Variants in STK3 observed in about 807,000 individuals in gnomAD.
STK3 encodes serine/threonine-protein kinase 3.
Under a neutral mutation model 58.0 loss-of-function variants are expected in STK3, and 41 were observed. The ratio of observed to expected loss-of-function variants is 0.71; its 90% CI spans 0.55 to 0.92. The LOEUF (loss-of-function observed/expected upper bound fraction) is 0.92. STK3 is among the 40% of genes least tolerant of loss of function. The probability of loss-of-function intolerance (pLI) is 0.00; values close to 1 mark genes in which losing one functional copy is unlikely to be tolerated. For synonymous variants in STK3, 170 were observed against 191.0 expected (o/e 0.89, Z 0.91); for missense variants, 479 against 602.7 (o/e 0.79, Z 2.15).
At chr8:98,427,764 A>T in intron 3 of STK3, 1 of 524,274 alleles carries the variant, frequency 1.9e-6, no homozygotes. Context: ...ATAGAAACAT[A>T]CCCACCCCCA....
chr8:98,869,214 A>C (rs1368329242), intron 3 of STK3, among the ~76,000 whole-genome samples: 1 of 152,166 alleles, frequency 6.6e-6, no homozygotes, highest in Non-Finnish European at 1.5e-5. Context: ...CGAGCCCAGG[A>C]GTTCGAGGCC....
intron 6 of STK3, among the ~76,000 whole-genome samples, chr8:98,614,931 A>G (rs1032215872): frequency 2.0e-5 from 3 of 152,240 alleles, no homozygotes; most frequent in Non-Finnish European, 2.9e-5. Context: ...CAAAGCAGCC[A>G]GGAAGCTCCA....
chr8:98,567,909 T>C (rs1309134845), intron 8 of STK3, among the ~76,000 whole-genome samples: 1 of 151,866 alleles, frequency 6.6e-6, no homozygotes, highest in Non-Finnish European at 1.5e-5. Context: ...AGTACAAAAA[T>C]TACCCAGGCA....
intron 10 of STK3, among the ~76,000 whole-genome samples, chr8:98,466,018 G>T (rs937047036): frequency 3.3e-5 from 5 of 152,124 alleles, no homozygotes; most frequent in African/African-American, 4.8e-5. Flanking sequence ...TAACTCAAAA[G>T]CAACCAGTAA....
At chr8:98,653,479 A>C (rs942345893) in intron 6 of STK3, among the ~76,000 whole-genome samples, 1 of 152,102 alleles carries the variant, frequency 6.6e-6, no homozygotes, top group Non-Finnish European at 1.5e-5. Context: ...AAATAACTAA[A>C]ATCAGAGCAG....
At chr8:98,799,428 G>C (rs1833376374) in intron 1 of STK3, among the ~76,000 whole-genome samples, 1 of 151,904 alleles carries the variant, frequency 6.6e-6, no homozygotes, top group Admixed American at 6.6e-5. Flanking sequence ...GAGTCACAGA[G>C]AAAGAGAGAG....
chr8:98,619,250 C>T (rs1322525366), intron 6 of STK3, among the ~76,000 whole-genome samples: 9 of 149,850 alleles, frequency 6.0e-5, no homozygotes, highest in African/African-American at 2.0e-4. Context: ...GCTGGGAAAA[C>T]TGGCTAGCCA....
chr8:98,728,217 CT>C (rs1287953141), intron 4 of STK3, among the ~76,000 whole-genome samples: 3 of 152,028 alleles, frequency 2.0e-5, no homozygotes, highest in Non-Finnish European at 4.4e-5. Flanking sequence ...TTCCACCCCC[CT>C]AAAGAAGAGA....
chr8:98,852,942 C>T (rs193021191), intron 3 of STK3, among the ~76,000 whole-genome samples: 183 of 152,034 alleles, frequency 1.2e-3, no homozygotes, highest in African/African-American at 4.2e-3. Flanking sequence ...TTATGTTACC[C>T]ATTCTTTTTG....
chr8:98,583,726 C>T lies in STK3; in HGVS notation c.823-3937G>A, dbSNP rs541648601. On this transcript the variant is annotated intron_variant, in intron 7 of 10. Transcript: ENST00000419617. Reference sequence around the variant, plus strand: ...TTCTGATATTATTATTAATCTTTATCTTGTCTTGTTCTGAAAACAATTTGA... The same window carrying T: ...TTCTGATATTATTATTAATCTTTATTTTGTCTTGTTCTGAAAACAATTTGA... Among the ~76,000 whole-genome samples, 148 of 152,186 alleles carry T rather than the reference C, an allele frequency of 9.7e-4. 1 individual carries two copies. The highest frequency in any genetic ancestry group is 2.0e-3 in the Non-Finnish European group (136 of 68,022).
intron 10 of STK3, among the ~76,000 whole-genome samples, chr8:98,506,692 G>A (rs202085131): frequency 1.6e-4 from 25 of 151,650 alleles, no homozygotes; most frequent in African/African-American, 6.1e-4. Flanking sequence ...CAGCCTAGGC[G>A]ACAGAGCAAG....
At chr8:98,655,000 GA>G (rs1207671682) in intron 6 of STK3, among the ~76,000 whole-genome samples, 9 of 146,956 alleles carry the variant, frequency 6.1e-5, no homozygotes, top group Middle Eastern at 3.5e-3. Context: ...AGTTCATATG[GA>G]AAAAAAAAAG....
At chr8:98,563,297 G>C (rs1812207938) in intron 8 of STK3, among the ~76,000 whole-genome samples, 1 of 152,072 alleles carries the variant, frequency 6.6e-6, no homozygotes, top group African/African-American at 2.4e-5. Context: ...TGGAGTTGTA[G>C]GTTATAAACA....
chr8:98,650,668 C>G (rs1820823922), intron 6 of STK3, among the ~76,000 whole-genome samples: 1 of 152,238 alleles, frequency 6.6e-6, no homozygotes, highest in Admixed American at 6.5e-5. Context: ...GCTTAAAAAA[C>G]AGCGCACCAG....
At chr8:98,911,976 C>G (rs1382190953) in intron 1 of STK3, among the ~76,000 whole-genome samples, 2 of 152,292 alleles carry the variant, frequency 1.3e-5, no homozygotes, top group East Asian at 3.9e-4. Flanking sequence ...AAGAATTTGT[C>G]TATACAACAT....
intron 4 of STK3, among the ~76,000 whole-genome samples, chr8:98,712,581 TA>T (rs1358733570): frequency 1.3e-5 from 2 of 151,690 alleles, no homozygotes; most frequent in African/African-American, 4.9e-5. Flanking sequence ...CAAGAAGAGC[TA>T]ACTATCCTAA....
At chr8:98,742,598 A>G (rs1390231132) in intron 4 of STK3, among the ~76,000 whole-genome samples, 1 of 131,788 alleles carries the variant, frequency 7.6e-6, no homozygotes, top group Non-Finnish European at 1.6e-5. Flanking sequence ...AATAAGAGCT[A>G]TCTATGACAA....
chr8:98,664,790 C>A (rs916778750), intron 6 of STK3, among the ~76,000 whole-genome samples: 1 of 152,028 alleles, frequency 6.6e-6, no homozygotes, highest in East Asian at 1.9e-4. Flanking sequence ...ATCCCAGCTA[C>A]TTGGGAGGCT....
intron 9 of STK3, among the ~76,000 whole-genome samples, chr8:98,539,105 C>T (rs1464390225): frequency 6.6e-6 from 1 of 152,176 alleles, no homozygotes; most frequent in African/African-American, 2.4e-5. Context: ...AGTAGTTCCC[C>T]TACACATTCT....
Sources: allele counts gnomAD v4.1 joint callset (sites outside exome capture counted in the v4.1 genomes callset), GRCh38; gene constraint gnomAD v4.1.1; transcripts MANE v1.5; gene names NCBI Gene and HGNC (gene_info 2026-07-23, HGNC 2026-07-21).